Variants in WWOX observed in about 807,000 individuals in gnomAD.
WWOX encodes the protein WW domain-containing oxidoreductase.
Under a neutral mutation model 46.2 loss-of-function variants are expected in WWOX, and 69 were observed. That is an observed-to-expected ratio of 1.49 (90% CI 1.23 to 1.82). The LOEUF (loss-of-function observed/expected upper bound fraction) is 1.82. WWOX is among the 40% of genes most tolerant of loss of function. The pLI is 0.00. For synonymous variants in WWOX, 359 were observed against 202.6 expected, an observed-to-expected ratio of 1.77 and a Z score of -6.56; for missense variants, 919 against 542.6, an observed-to-expected ratio of 1.69 and a Z score of -6.89.
chr16:79,131,096 T>C (rs2049868862), intron 8 of WWOX, among the ~76,000 whole-genome samples: 1 of 152,158 alleles, frequency 6.6e-6, no homozygotes, highest in Admixed American at 6.5e-5. Context: ...AAAGTGGGCT[T>C]TCTGTGAGAG....
At chr16:78,380,360 C>T (rs918573755) in intron 5 of WWOX, among the ~76,000 whole-genome samples, 1 of 152,156 alleles carries the variant, frequency 6.6e-6, no homozygotes, top group Admixed American at 6.5e-5. Context: ...GCCTTTTGAA[C>T]CTCAGCTTCT....
rs142192804 is a variant in WWOX at position 78,409,719 on chromosome 16, A to G, written c.606-15151A>G. Among the ~76,000 whole-genome samples, 1,406 of 152,308 alleles carry G rather than the reference A, an allele frequency of 9.2e-3. 12 individuals carry two copies. The highest frequency in any genetic ancestry group is 0.015 in the South Asian group (74 of 4,828). On this transcript the variant is annotated intron_variant, in intron 6 of 8. Coordinates refer to ENST00000566780, the MANE Select transcript of WWOX (RefSeq NM_016373.4). ...ATTGGGCTAAAATTAAGGTGTCGGT[A>G]TGGCTCTGCTGCTTTCTAGAGACTC...
chr16:78,847,967 A>G (rs968738918), intron 8 of WWOX, among the ~76,000 whole-genome samples: 19 of 152,128 alleles, frequency 1.2e-4, no homozygotes, highest in African/African-American at 3.9e-4. Context: ...CTGCTGGAGC[A>G]TGGTGGCCAC....
At chr16:78,907,394 A>C (rs1469659493) in intron 8 of WWOX, among the ~76,000 whole-genome samples, 1 of 152,250 alleles carries the variant, frequency 6.6e-6, no homozygotes, top group African/African-American at 2.4e-5. Flanking sequence ...CCTCTGGAAT[A>C]ATGGCTGCTA....
At chr16:78,272,475 C>G (rs1299485219) in intron 5 of WWOX, among the ~76,000 whole-genome samples, 1 of 152,186 alleles carries the variant, frequency 6.6e-6, no homozygotes, top group East Asian at 1.9e-4. Context: ...CACAGCATGA[C>G]TGCTGTGGAC....
intron 8 of WWOX, among the ~76,000 whole-genome samples, chr16:79,151,055 T>A (rs1471384728): frequency 2.0e-5 from 3 of 152,246 alleles, no homozygotes; most frequent in Non-Finnish European, 2.9e-5. Context: ...CCAGTGCAAC[T>A]CTGCTATTGG....
chr16:78,351,129 C>T (rs964013020), intron 5 of WWOX, among the ~76,000 whole-genome samples: 11 of 152,028 alleles, frequency 7.2e-5, no homozygotes, highest in Non-Finnish European at 1.6e-4. Context: ...TAATCATGCC[C>T]ACCTCATTTT....
intron 8 of WWOX, among the ~76,000 whole-genome samples, chr16:78,893,232 A>G (rs1420392931): frequency 6.6e-6 from 1 of 151,778 alleles, no homozygotes; most frequent in East Asian, 1.9e-4. Flanking sequence ...TGACCATCTT[A>G]TGCCTGAAAT....
At chr16:78,348,052 C>T (rs35551315) in intron 5 of WWOX, among the ~76,000 whole-genome samples, 5,177 of 122,388 alleles carry the variant, frequency 0.042, 1,498 homozygotes, top group Non-Finnish European at 0.053. Context: ...CTTCCATCCC[C>T]TAACCCACAA....
intron 8 of WWOX, among the ~76,000 whole-genome samples, chr16:78,546,677 C>G (rs990195317): frequency 6.6e-6 from 1 of 152,132 alleles, no homozygotes; most frequent in Non-Finnish European, 1.5e-5. Context: ...AGGATGGGGT[C>G]TAGGAATCAG....
rs117397932 is a variant in WWOX, at chr16:78,412,298, G to A, written c.606-12572G>A. On this transcript the variant is annotated intron_variant, in intron 6 of 8. Transcript: ENST00000566780. The stretch of plus-strand genomic sequence containing the variant: ...GTATCAGGACGGGGAGGAGATGTGA[G>A]GAGAGAAGATGAAGAGTTTAGATTT... Among the ~76,000 whole-genome samples the A allele has an allele frequency of 4.7e-3, 714 of 152,274 alleles. 6 individuals are homozygous for A. The highest frequency in any genetic ancestry group is 8.1e-3 in the Non-Finnish European group (551 of 68,024).
chr16:78,839,443 C>T (rs952799641), intron 8 of WWOX, among the ~76,000 whole-genome samples: 2 of 152,110 alleles, frequency 1.3e-5, no homozygotes, highest in Non-Finnish European at 2.9e-5. Flanking sequence ...AACAAGATCC[C>T]CTTTCTAGGA....
chr16:78,682,164 T>G (rs1208338352), intron 8 of WWOX, among the ~76,000 whole-genome samples: 1 of 152,214 alleles, frequency 6.6e-6, no homozygotes, highest in Admixed American at 6.5e-5. Flanking sequence ...TACTAATTAT[T>G]TTTTACACCT....
chr16:78,400,414 G>GA (rs1228428086), intron 6 of WWOX, among the ~76,000 whole-genome samples: 10 of 152,148 alleles, frequency 6.6e-5, no homozygotes, highest in Non-Finnish European at 1.2e-4. Context: ...GCTGTGTGAG[G>GA]AATCAGCTGG....
At chr16:78,399,615 G>A (rs898710498) in intron 6 of WWOX, among the ~76,000 whole-genome samples, 1 of 152,096 alleles carries the variant, frequency 6.6e-6, no homozygotes, top group African/African-American at 2.4e-5. Context: ...AATCCCCGGC[G>A]TCAGGGTTTC....
intron 8 of WWOX, chr16:78,895,839 T>C (rs1294321528): frequency 2.0e-5 from 3 of 152,164 alleles, no homozygotes; most frequent in African/African-American, 7.2e-5. Flanking sequence ...CTATATAAAG[T>C]CGAGTGCTCT....
At chr16:78,640,495 A>G (rs1038281237) in intron 8 of WWOX, among the ~76,000 whole-genome samples, 1 of 152,012 alleles carries the variant, frequency 6.6e-6, no homozygotes, top group Non-Finnish European at 1.5e-5. Flanking sequence ...CCTGTACTGC[A>G]TGAAGCAGGG....
chr16:78,402,615 A>G (rs1341429762), intron 6 of WWOX, among the ~76,000 whole-genome samples: 2 of 152,062 alleles, frequency 1.3e-5, no homozygotes, highest in African/African-American at 4.8e-5. Flanking sequence ...CGTGCCTGGT[A>G]TTGGTACAAT....
At chr16:78,432,078 A>G (rs1446720768) in intron 7 of WWOX, among the ~76,000 whole-genome samples, 1 of 151,586 alleles carries the variant, frequency 6.6e-6, no homozygotes, top group Admixed American at 6.6e-5. Context: ...TGATGTATGT[A>G]AGATTGAGTT....
Sources: allele counts gnomAD v4.1 joint callset (sites outside exome capture counted in the v4.1 genomes callset), GRCh38; gene constraint gnomAD v4.1.1; transcripts MANE v1.5; gene names NCBI Gene and HGNC (gene_info 2026-07-23, HGNC 2026-07-21).